DLGAP2: variants seen among roughly 807,000 people sequenced by gnomAD.
The protein encoded by DLGAP2 is disks large-associated protein 2.
DLGAP2 carries 26 observed loss-of-function variants against 100.3 expected under a neutral mutation model. That is an observed-to-expected ratio of 0.26 (90% CI 0.19 to 0.36). The LOEUF (loss-of-function observed/expected upper bound fraction) is 0.36. DLGAP2 is among the 10% of genes least tolerant of loss of function. The pLI is 1.00. For synonymous variants in DLGAP2, 886 were observed against 630.1 expected, an observed-to-expected ratio of 1.41 and a Z score of -6.08; for missense variants, 1,858 against 1,453.2, an observed-to-expected ratio of 1.28 and a Z score of -4.53.
At chr8:1,102,672 G>A (rs12546596) in intron 2 of DLGAP2, among the ~76,000 whole-genome samples, 1 of 152,132 alleles carries the variant, frequency 6.6e-6, no homozygotes, top group Non-Finnish European at 1.5e-5. Flanking sequence ...TGTGGCAAGG[G>A]AGCCTGTGAA....
chr8:1,219,866 CT>C (rs777120331), intron 2 of DLGAP2, among the ~76,000 whole-genome samples: 2 of 151,038 alleles, frequency 1.3e-5, no homozygotes, highest in African/African-American at 2.4e-5. Flanking sequence ...GGAATTTATT[CT>C]TTTTTTTTCT....
intron 6 of DLGAP2, among the ~76,000 whole-genome samples, chr8:1,597,045 G>A (rs2130691551): frequency 6.6e-6 from 1 of 152,254 alleles, no homozygotes; most frequent in Admixed American, 6.5e-5. Flanking sequence ...TTTAGTATAA[G>A]GTGTAAGGAA....
chr8:1,357,388 G>A (rs1801880803), intron 3 of DLGAP2, among the ~76,000 whole-genome samples: 1 of 146,202 alleles, frequency 6.8e-6, no homozygotes, highest in African/African-American at 2.5e-5. Flanking sequence ...TGATGCATCT[G>A]TTGGTGCCAA....
chr8:1,606,932 A>C (rs1337591322), intron 6 of DLGAP2, among the ~76,000 whole-genome samples: 7 of 152,124 alleles, frequency 4.6e-5, no homozygotes, highest in Non-Finnish European at 1.0e-4. Flanking sequence ...AGATCCACCT[A>C]CCGCAGCCTC....
At chr8:1,536,308 G>A (rs571159390) in intron 4 of DLGAP2, among the ~76,000 whole-genome samples, 37 of 152,112 alleles carry the variant, frequency 2.4e-4, no homozygotes, top group Non-Finnish European at 4.6e-4. Flanking sequence ...TCCCGGGATT[G>A]TTAGCAGAAC....
In DLGAP2 at chr8:838,452, T is replaced by C. The variant is rs547409464; in HGVS notation, c.19-69460T>C. On this transcript the variant is annotated intron_variant, in intron 1 of 14. Coordinates refer to ENST00000637795, the MANE Select transcript of DLGAP2 (RefSeq NM_001346810.2). ...TTTTAGTGCTCCCTGAAAAATTTCA[T>C]TGTACAGCCAGGGTTGTGAACCACT... Among the ~76,000 whole-genome samples the C allele has an allele frequency of 6.4e-4, 97 of 152,156 alleles. 1 individual carries two copies. Among genetic ancestry groups the C allele is most frequent in the African/African-American group, 2.3e-3 (94 of 41,564 alleles).
intron 1 of DLGAP2, among the ~76,000 whole-genome samples, chr8:851,625 C>G (rs984494493): frequency 6.6e-6 from 1 of 152,156 alleles, no homozygotes; most frequent in African/African-American, 2.4e-5. Flanking sequence ...AGCCTCTGTT[C>G]AAAAAACTTG....
intron 1 of DLGAP2, among the ~76,000 whole-genome samples, chr8:905,485 A>G (rs1213995622): frequency 6.6e-6 from 1 of 152,028 alleles, no homozygotes; most frequent in African/African-American, 2.4e-5. Flanking sequence ...TCGAACAGAG[A>G]CGGCATAAAA....
chr8:1,601,625 C>G (rs968605415), intron 6 of DLGAP2, among the ~76,000 whole-genome samples: 8 of 152,120 alleles, frequency 5.3e-5, no homozygotes, highest in Non-Finnish European at 7.4e-5. Flanking sequence ...TCCCTGAAAA[C>G]TCCGTGACAG....
intron 1 of DLGAP2, among the ~76,000 whole-genome samples, chr8:746,053 C>T (rs1820610899): frequency 6.6e-6 from 1 of 152,180 alleles, no homozygotes; most frequent in South Asian, 2.1e-4. Flanking sequence ...CTTACTGGTG[C>T]CTGAACTTCA....
intron 2 of DLGAP2, among the ~76,000 whole-genome samples, chr8:948,792 C>T (rs914768738): frequency 6.6e-6 from 1 of 152,264 alleles, no homozygotes; most frequent in African/African-American, 2.4e-5. Context: ...TCAGACACTG[C>T]CTTTCGCCAT....
rs1176725046 is a variant in DLGAP2, at chr8:1,627,091, CCA to C, written c.1590+205_1590+206del. 3.9e-5 allele frequency among the ~76,000 whole-genome samples: 6 copies of C among 152,218 alleles called. No individual in the cohort carries two copies. The East Asian group carries it at 1.2e-3, about 29-fold the overall frequency. ...TGTTATATTTTTGACGTGTATAACT[CCA>C]TATCATTTTTGCGTTGATTTTTTTC... On this transcript the variant is annotated intron_variant, in intron 7 of 14. Transcript: ENST00000637795.
intron 3 of DLGAP2, among the ~76,000 whole-genome samples, chr8:1,325,408 T>A (rs1800998191): frequency 6.6e-6 from 1 of 152,182 alleles, no homozygotes. Context: ...CTGGGTGTGG[T>A]CCCCCGACCC....
At chr8:1,182,918 C>T (rs1013074228) in intron 2 of DLGAP2, among the ~76,000 whole-genome samples, 19 of 152,252 alleles carry the variant, frequency 1.2e-4, no homozygotes, top group African/African-American at 4.1e-4. Flanking sequence ...AGTGAGCGCA[C>T]AGCCCTGCGG....
At chr8:1,092,194 G>C (rs1303385002) in intron 2 of DLGAP2, among the ~76,000 whole-genome samples, 5 of 152,180 alleles carry the variant, frequency 3.3e-5, no homozygotes, top group Admixed American at 3.3e-4. Flanking sequence ...TGGCCTCACA[G>C]GTCAGCGCTG....
chr8:857,871 G>A (rs1797310693), intron 1 of DLGAP2, among the ~76,000 whole-genome samples: 1 of 117,770 alleles, frequency 8.5e-6, no homozygotes, highest in Non-Finnish European at 1.9e-5. Context: ...ACTTGCACAT[G>A]ATTTTTTTTT....
intron 8 of DLGAP2, among the ~76,000 whole-genome samples, chr8:1,633,725 G>A (rs7017831): frequency 0.086 from 13,048 of 152,118 alleles, 1,587 homozygotes; most frequent in African/African-American, 0.27. Flanking sequence ...AGCTCGAGGC[G>A]CCGCACATAG....
intron 2 of DLGAP2, among the ~76,000 whole-genome samples, chr8:1,041,895 T>A (rs1802364623): frequency 6.6e-6 from 1 of 152,212 alleles, no homozygotes; most frequent in African/African-American, 2.4e-5. Flanking sequence ...TGCGGAAGAA[T>A]GTCGGGTAAC....
intron 1 of DLGAP2, among the ~76,000 whole-genome samples, chr8:898,969 C>T (rs1040952342): frequency 1.5e-4 from 23 of 152,198 alleles, no homozygotes; most frequent in African/African-American, 5.1e-4. Flanking sequence ...GGCCCTGCCC[C>T]AGAACTCCTG....
Sources: gnomAD v4.1 joint callset for allele counts (sites outside exome capture counted in the v4.1 genomes callset) on GRCh38, gnomAD v4.1.1 for gene constraint, MANE v1.5 for transcripts, NCBI Gene and HGNC (gene_info 2026-07-23, HGNC 2026-07-21) for gene names.